The following DMRT1 variants were observed in gnomAD, a reference collection of about 807,000 sequenced individuals.
The protein encoded by DMRT1 is doublesex and mab-3 related transcription factor 1.
In DMRT1, 7 loss-of-function variants were observed where a neutral mutation model predicts 32.3. The observed-to-expected ratio is 0.22, with a 90% CI of 0.12 to 0.41. DMRT1 has a LOEUF of 0.41. DMRT1 is among the 10% of genes least tolerant of loss of function. The pLI is 1.00. For missense variants in DMRT1, 625 were observed against 500.5 expected (o/e 1.25, Z -2.37); for synonymous variants, 278 against 206.1 (o/e 1.35, Z -2.99).
At chr9:907,693 A>G (rs1442972780) in intron 3 of DMRT1, among the ~76,000 whole-genome samples, 1 of 152,210 alleles carries the variant, frequency 6.6e-6, no homozygotes, top group Non-Finnish European at 1.5e-5. Flanking sequence ...ACACAAAATG[A>G]CAAGTTTTGT....
intron 4 of DMRT1, among the ~76,000 whole-genome samples, chr9:960,309 G>C (rs1292870186): frequency 6.6e-6 from 1 of 152,220 alleles, no homozygotes; most frequent in Non-Finnish European, 1.5e-5. Context: ...ATTGAAACTT[G>C]TCCAAGAACA....
At chr9:878,200 G>GGCCCC (rs149257815) in intron 2 of DMRT1, among the ~76,000 whole-genome samples, 1 of 94,076 alleles carries the variant, frequency 1.1e-5, no homozygotes, top group Non-Finnish European at 2.0e-5. Flanking sequence ...TGCAGCTGCT[G>GGCCCC]CCCCCCCCCC....
At chr9:939,358 C>T (rs1289976960) in intron 4 of DMRT1, among the ~76,000 whole-genome samples, 1 of 152,232 alleles carries the variant, frequency 6.6e-6, no homozygotes, top group African/African-American at 2.4e-5. Flanking sequence ...CTACCCAGTC[C>T]TCCTAACTTC....
At chr9:910,278 A>G (rs1313684902) in intron 3 of DMRT1, among the ~76,000 whole-genome samples, 4 of 152,126 alleles carry the variant, frequency 2.6e-5, no homozygotes, top group Non-Finnish European at 4.4e-5. Flanking sequence ...AAAAGGCATC[A>G]TCTGATATAA....
intron 4 of DMRT1, among the ~76,000 whole-genome samples, chr9:936,269 G>C (rs1014530544): frequency 6.6e-6 from 1 of 152,076 alleles, no homozygotes; most frequent in African/African-American, 2.4e-5. Context: ...ACTTATCAGA[G>C]GTCTGCCCCT....
chr9:848,414 T>C (rs916827305), intron 2 of DMRT1, among the ~76,000 whole-genome samples: 2 of 152,176 alleles, frequency 1.3e-5, no homozygotes, highest in African/African-American at 4.8e-5. Flanking sequence ...AAGGTGTGTC[T>C]GTCTGTGTCT....
intron 2 of DMRT1, among the ~76,000 whole-genome samples, chr9:852,730 C>G (rs767600092): frequency 6.6e-6 from 1 of 152,218 alleles, no homozygotes; most frequent in Non-Finnish European, 1.5e-5. Flanking sequence ...CTCACATTCA[C>G]CCTCCCCCAG....
At chr9:887,122 C>T (rs951660712) in intron 2 of DMRT1, among the ~76,000 whole-genome samples, 2 of 152,110 alleles carry the variant, frequency 1.3e-5, no homozygotes, top group Non-Finnish European at 2.9e-5. Context: ...ACCTGGGAGG[C>T]GGAGGTTGCA....
intron 3 of DMRT1, among the ~76,000 whole-genome samples, chr9:896,985 T>C (rs1443639814): frequency 6.6e-6 from 1 of 152,078 alleles, no homozygotes; most frequent in Non-Finnish European, 1.5e-5. Flanking sequence ...TTGGGATCTT[T>C]TGCTACCCTC....
chr9:843,748 C>A (rs1342308858), intron 1 of DMRT1, among the ~76,000 whole-genome samples: 1 of 152,274 alleles, frequency 6.6e-6, no homozygotes, highest in South Asian at 2.1e-4. Context: ...TGATTAGGAA[C>A]GTGTAAATAT....
intron 2 of DMRT1, among the ~76,000 whole-genome samples, chr9:858,870 A>AT (rs1351379516): frequency 0.013 from 625 of 47,868 alleles, 1 homozygote; most frequent in Non-Finnish European, 0.022. Flanking sequence ...AAAAAAAAAA[A>AT]ATATATATAT....
chr9:852,518 G>A (rs10977097), intron 2 of DMRT1, among the ~76,000 whole-genome samples: 49,107 of 151,148 alleles, frequency 0.32, 9,844 homozygotes, highest in Non-Finnish European at 0.45. Flanking sequence ...TCAGCCTCCC[G>A]TGCTCCTATA....
chr9:951,468 G>A lies in DMRT1; in HGVS notation c.968-16517G>A, dbSNP rs72701050. ...ACTTGATTTATCCACTTACCTAGCA[G>A]TGCATTCTGTATACTGAATGGTACA... On this transcript the variant is annotated intron_variant, in intron 4 of 4. Transcript: ENST00000382276. Among the ~76,000 whole-genome samples the A allele has an allele frequency of 9.6e-3, 1,460 of 152,286 alleles. 19 individuals are homozygous for A. The highest frequency in any genetic ancestry group is 0.033 in the African/African-American group (1,375 of 41,550).
intron 3 of DMRT1, among the ~76,000 whole-genome samples, chr9:906,749 G>T (rs1266304499): frequency 6.6e-6 from 1 of 152,176 alleles, no homozygotes; most frequent in Non-Finnish European, 1.5e-5. Context: ...GCGAAGAGTT[G>T]TTAAAAGCTA....
At chr9:909,406 C>T (rs1817893223) in intron 3 of DMRT1, among the ~76,000 whole-genome samples, 1 of 152,044 alleles carries the variant, frequency 6.6e-6, no homozygotes, top group Admixed American at 6.6e-5. Context: ...GGGTGAAGCC[C>T]TTTGCGTAGG....
At chr9:906,289 G>T (rs1435956959) in intron 3 of DMRT1, among the ~76,000 whole-genome samples, 1 of 152,146 alleles carries the variant, frequency 6.6e-6, no homozygotes, top group African/African-American at 2.4e-5. Context: ...TAGTTAGAAT[G>T]TGGCCCCAGA....
intron 1 of DMRT1, among the ~76,000 whole-genome samples, chr9:844,165 G>C (rs942059682): frequency 6.6e-6 from 1 of 151,972 alleles, no homozygotes; most frequent in African/African-American, 2.4e-5. Flanking sequence ...TGCTTACACC[G>C]TTAAAAACAA....
intron 3 of DMRT1, among the ~76,000 whole-genome samples, chr9:899,591 A>G (rs115545788): frequency 7.2e-5 from 11 of 152,332 alleles, no homozygotes; most frequent in African/African-American, 2.6e-4. Context: ...AAACAGGAAT[A>G]ACATTTGTGA....
intron 2 of DMRT1, among the ~76,000 whole-genome samples, chr9:880,506 C>T (rs535627726): frequency 6.6e-6 from 1 of 152,102 alleles, no homozygotes; most frequent in East Asian, 1.9e-4. Flanking sequence ...GTGGGCGGAT[C>T]ACCTGAGGTC....
Sources: allele counts gnomAD v4.1 joint callset (sites outside exome capture counted in the v4.1 genomes callset), GRCh38; gene constraint gnomAD v4.1.1; transcripts MANE v1.5; gene names NCBI Gene and HGNC (gene_info 2026-07-23, HGNC 2026-07-21).